PLAAT4: variants seen among roughly 807,000 people sequenced by gnomAD.
PLAAT4 encodes HRAS-like suppressor 4.
A neutral mutation model predicts 14.1 loss-of-function variants in PLAAT4; 12 were observed. The observed-to-expected ratio is 0.85, with a 90% CI of 0.54 to 1.37. PLAAT4 has a LOEUF of 1.37. PLAAT4 is among the 40% of genes most tolerant of loss of function. PLAAT4 has a pLI of 0.00. For missense variants in PLAAT4, 163 were observed against 211.7 expected, an observed-to-expected ratio of 0.77 and a Z score of 1.43; for synonymous variants, 77 against 79.8, an observed-to-expected ratio of 0.96 and a Z score of 0.19.
chr11:63,544,940 C>T lies in PLAAT4; in HGVS notation c.387+51C>T, dbSNP rs779556992. 1.9e-5 allele frequency: 31 copies of T among 1,612,242 alleles called. No individual in the cohort carries two copies. In the African/African-American group the frequency reaches 2.4e-4, roughly 13 times the overall value. On this transcript the variant is annotated intron_variant, in intron 3 of 3. Transcript: ENST00000255688. ...CTCCCTCTGCTTGGGGCTGGACTCA[C>T]GGGGCTGTGCAGCCAGGCGATCACT... is the stretch of plus-strand genomic sequence containing the variant.
intron 1 of PLAAT4, among the ~76,000 whole-genome samples, chr11:63,538,743 G>A (rs961556972): frequency 6.6e-6 from 1 of 152,142 alleles, no homozygotes; most frequent in African/African-American, 2.4e-5. Context: ...GAACCAGCTC[G>A]GCCTCCTTCC....
chr11:63,537,584 G>A (rs1384510134), intron 1 of PLAAT4, among the ~76,000 whole-genome samples: 3 of 152,080 alleles, frequency 2.0e-5, no homozygotes, highest in Non-Finnish European at 4.4e-5. Context: ...AACAAATCAG[G>A]GCTTTTAACA....
chr11:63,538,308 C>T (rs1287578199), intron 1 of PLAAT4: 5 of 337,702 alleles, frequency 1.5e-5, no homozygotes, highest in Admixed American at 3.8e-5. Flanking sequence ...TTGGGAAGGC[C>T]ACCATGGGTT....
At chr11:63,537,986 T>A (rs189468909) in intron 1 of PLAAT4, among the ~76,000 whole-genome samples, 4 of 151,144 alleles carry the variant, frequency 2.6e-5, no homozygotes, top group Non-Finnish European at 4.4e-5. Context: ...GTCCTAGGAG[T>A]GGGGTGGCGG....
Position 63,546,445 on chromosome 11 carries a change from C to T in PLAAT4, c.*189C>T, listed in dbSNP as rs1000808463. On this transcript the variant is annotated 3_prime_UTR_variant, in exon 4 of 4. Coordinates refer to ENST00000255688, the MANE Select transcript of PLAAT4 (RefSeq NM_004585.5). ...CAAGACTGAAGGATCAATAAACAGC[C>T]ATCTGCCCCTTCAGAAAGGACTTCT... 8 of 576,808 alleles carry T rather than the reference C, an allele frequency of 1.4e-5. No homozygotes were observed. The highest frequency in any genetic ancestry group is 2.5e-5 in the Non-Finnish European group (8 of 325,900). The allele number at this position is 576,808 out of a possible 1,614,324, so 35.7% of individuals were successfully genotyped here. A position where few individuals can be genotyped will look rare whatever the true frequency, so the allele number is the denominator to read the frequency against.
chr11:63,543,871 C>T (rs911035327), intron 2 of PLAAT4, among the ~76,000 whole-genome samples: 22 of 152,196 alleles, frequency 1.4e-4, no homozygotes, highest in African/African-American at 5.3e-4. Flanking sequence ...CAGCCCAGTG[C>T]AGTGGAAGGA....
rs1472101870 is a variant in PLAAT4 at position 63,539,579 on chromosome 11, G to C, written c.73G>C (p.Ala25Pro). The C allele has an allele frequency of 6.2e-7, 1 of 1,613,988 alleles. No individual in the cohort carries two copies. The highest frequency in any genetic ancestry group is 2.2e-5 in the East Asian group (1 of 44,882). ...TTTCCGCCTTGGCTATGAGCACTGG[G>C]CCCTGTATATAGGAGATGGCTACGT... ...EIFRLGYEHW[A>P]LYIGDGYVIH... is the part of the protein sequence containing the mutation. The change falls in exon 2 of 4, where the codon GCC becomes CCC. Residue 25 changes from alanine (A) to proline (P), a missense_variant. Ala to Pro is a conservative substitution (Grantham distance 27, BLOSUM62 -1). Coordinates refer to ENST00000255688, the MANE Select transcript of PLAAT4 (RefSeq NM_004585.5).
At position 63,544,744 on chromosome 11, in the gene PLAAT4, A is replaced by G; in HGVS notation, c.242A>G (p.Asp81Gly). 6.2e-7 allele frequency: 1 copy of G among 1,614,212 alleles called. No homozygotes were observed. Among genetic ancestry groups the G allele is most frequent in the African/African-American group, 1.3e-5 (1 of 75,042 alleles). The change falls in exon 3 of 4, where the codon GAC becomes GGC. Residue 81 changes from aspartate to glycine, a missense_variant. Physicochemically the swap from Asp to Gly is moderately conservative, Grantham distance 94 (BLOSUM62 -1). Transcript: ENST00000255688. The part of the protein sequence containing the change: ...GCCYRVNNSL[D>G]HEYQPRPVEV... ...TGCTATCGGGTCAACAACAGCTTGGACCATGAGTACCAACCACGGCCCGTG... is the reference window on the plus strand; with the variant it reads ...TGCTATCGGGTCAACAACAGCTTGGGCCATGAGTACCAACCACGGCCCGTG...
At chr11:63,545,177 G>A (rs1250267964) in intron 3 of PLAAT4, 3 of 591,564 alleles carry the variant, frequency 5.1e-6, no homozygotes, top group Non-Finnish European at 9.0e-6. Flanking sequence ...CTGAAGTTCT[G>A]GGGGTCATCA....
At chr11:63,536,983 C>T (rs1301571120) in intron 1 of PLAAT4, 106 bp downstream of exon 1, 1 of 1,358,142 alleles carries the variant, frequency 7.4e-7, no homozygotes, top group Non-Finnish European at 1.0e-6. Flanking sequence ...AGCTCCAGAG[C>T]TCGTCTTTAG....
chr11:63,545,072 T>C (rs1336959028), intron 3 of PLAAT4, 183 bp downstream of exon 3: 1 of 809,460 alleles, frequency 1.2e-6, no homozygotes, highest in African/African-American at 1.7e-5. Flanking sequence ...TTTGGACAGT[T>C]CCCTTCCCCC....
rs1260435124 is a variant in PLAAT4, at chr11:63,546,413, A to T, written c.*157A>T. The T allele has an allele frequency of 1.5e-5, 10 of 653,912 alleles. No homozygotes were observed. The African/African-American group carries it at 1.6e-4, about 11-fold the overall frequency. 40.5% of individuals were successfully genotyped at this position (653,912 alleles called of 1,614,324 possible). A position where few individuals can be genotyped will look rare whatever the true frequency, so the allele number is the denominator to read the frequency against. On this transcript the variant is annotated 3_prime_UTR_variant, in exon 4 of 4. Coordinates refer to ENST00000255688, the MANE Select transcript of PLAAT4 (RefSeq NM_004585.5). ...CTCTCGCTGGCAAAAGTATGATCTAATTGAAACAAGACTGAAGGATCAATA... is the reference window on the plus strand; with the variant it reads ...CTCTCGCTGGCAAAAGTATGATCTATTTGAAACAAGACTGAAGGATCAATA...
chr11:63,540,152 G>C (rs942508444), intron 2 of PLAAT4, among the ~76,000 whole-genome samples: 2 of 152,230 alleles, frequency 1.3e-5, no homozygotes, highest in African/African-American at 4.8e-5. Context: ...CCGCAGCGAA[G>C]CTGGGCTGCT....
rs769653339 is a variant in PLAAT4 at position 63,546,272 on chromosome 11, CTG to C, written c.*20_*21del. 4.3e-6 allele frequency: 7 copies of C among 1,611,936 alleles called. No individual in the cohort carries two copies. Among genetic ancestry groups the C allele is most frequent in the Non-Finnish European group, 5.9e-6 (7 of 1,178,020 alleles). On this transcript the variant is annotated 3_prime_UTR_variant, in exon 4 of 4. Transcript: ENST00000255688. Reference sequence around the variant, plus strand: ...GACAGCCTGAAGCAGCCACAAAATCCTGTGTTAGAAGCAGCTGTGGGGGTCCC... The same window carrying C: ...GACAGCCTGAAGCAGCCACAAAATCCTGTTAGAAGCAGCTGTGGGGGTCCC...
At position 63,544,703 on chromosome 11, in the gene PLAAT4, T is replaced by C; in HGVS notation, c.201T>C (p.Asp67=). 1 of 1,614,150 alleles carries C rather than the reference T, an allele frequency of 6.2e-7. No individual in the cohort carries two copies. The highest frequency in any genetic ancestry group is 8.5e-7 in the Non-Finnish European group (1 of 1,180,028). Residue 67 remains aspartate (D), a synonymous_variant, in exon 3 of 4, where the codon GAT becomes GAC. Coordinates refer to ENST00000255688, the MANE Select transcript of PLAAT4 (RefSeq NM_004585.5). The part of the protein sequence containing the change: ...SAEVKRERLE[D]VVGGCCYRVN... ...AGGTGAAACGGGAGCGCCTGGAAGA[T>C]GTGGTGGGAGGCTGTTGCTATCGGG...
At chr11:63,545,018 C>A in intron 3 of PLAAT4, 129 bp downstream of exon 3, 1 of 1,308,020 alleles carries the variant, frequency 7.6e-7, no homozygotes, top group Non-Finnish European at 1.1e-6. Context: ...GAGTCAGGAC[C>A]TCTGAGCTCC....
At chr11:63,544,338 G>A (rs1041065907) in intron 2 of PLAAT4, among the ~76,000 whole-genome samples, 2 of 152,244 alleles carry the variant, frequency 1.3e-5, no homozygotes, top group South Asian at 2.1e-4. Flanking sequence ...CTATTAGCCC[G>A]GCGTGGTGGT....
chr11:63,536,975 C>T, intron 1 of PLAAT4, 98 bp downstream of exon 1: 2 of 1,386,580 alleles, frequency 1.4e-6, no homozygotes, highest in Non-Finnish European at 9.9e-7. Context: ...GGGCACACAG[C>T]TCCAGAGCTC....
chr11:63,539,425 G>C, intron 1 of PLAAT4, 91 bp from the exon 2 acceptor site: 4 of 1,008,796 alleles, frequency 4.0e-6, no homozygotes, highest in Non-Finnish European at 6.3e-6. Context: ...CATCAGCAAG[G>C]CGTCTCCAGG....
Sources: allele counts gnomAD v4.1 joint callset (sites outside exome capture counted in the v4.1 genomes callset), GRCh38; gene constraint gnomAD v4.1.1; transcripts MANE v1.5; gene names NCBI Gene and HGNC (gene_info 2026-07-23, HGNC 2026-07-21).